Variants in TIAM2 observed in about 807,000 individuals in gnomAD.
TIAM2 encodes rho guanine nucleotide exchange factor TIAM2.
Under a neutral mutation model 152.9 loss-of-function variants are expected in TIAM2, and 80 were observed. The observed-to-expected ratio is 0.52, with a 90% confidence interval of 0.44 to 0.63. The LOEUF (loss-of-function observed/expected upper bound fraction) is 0.63. Among genes scored for constraint, TIAM2 ranks in the 30% least tolerant of loss-of-function variants. TIAM2 has a pLI of 0.00. For missense variants in TIAM2, 1,965 were observed against 2,120.1 expected (o/e 0.93, Z 1.44); for synonymous variants, 804 against 838.0 (o/e 0.96, Z 0.70).
chr6:155,173,793 G>A (rs763460171), intron 9 of TIAM2, among the ~76,000 whole-genome samples: 1 of 152,238 alleles, frequency 6.6e-6, no homozygotes, highest in Non-Finnish European at 1.5e-5. Context: ...GCCAAATGCT[G>A]TACCAGGGAC....
At chr6:155,137,665 G>A (rs999612570) in intron 5 of TIAM2, 53 bp downstream of exon 5, 3 of 1,503,828 alleles carry the variant, frequency 2.0e-6, no homozygotes, top group Admixed American at 4.4e-5. Context: ...CGCCAGCCGT[G>A]CTCTTTGCCA....
chr6:155,110,433 A>G (rs1778814261), intron 2 of TIAM2, among the ~76,000 whole-genome samples: 1 of 151,492 alleles, frequency 6.6e-6, no homozygotes, highest in Non-Finnish European at 1.5e-5. Context: ...AGTAGAGAAA[A>G]GGGCTTTTGC....
chr6:155,096,262 T>C (rs1350317294), intron 2 of TIAM2, among the ~76,000 whole-genome samples: 1 of 152,200 alleles, frequency 6.6e-6, no homozygotes. Context: ...GGGGTATGAA[T>C]GGTAATTCAG....
chr6:155,075,332 T>G (rs1276069483), intron 1 of TIAM2, among the ~76,000 whole-genome samples: 1 of 151,716 alleles, frequency 6.6e-6, no homozygotes, highest in East Asian at 1.9e-4. Context: ...TGGCCTTTTG[T>G]GTCGTTACTT....
At chr6:155,017,455 T>A (rs114947799) in intron 1 of TIAM2, among the ~76,000 whole-genome samples, 2,386 of 151,090 alleles carry the variant, frequency 0.016, 75 homozygotes, top group African/African-American at 0.056. Flanking sequence ...TTGATATAAG[T>A]CCTTGCTTCC....
At position 155,102,388 on chromosome 6, in the gene TIAM2, A is replaced by C. The variant is rs140236253; in HGVS notation, c.-118+12009A>C. The stretch of plus-strand genomic sequence containing the variant: ...TTTGTGATAGGCATTATGATTGTCA[A>C]CCCCACTTTATGATGAAGGATATGG... On this transcript the variant is annotated intron_variant, in intron 2 of 26. Transcript: ENST00000682666. 3.4e-3 allele frequency among the ~76,000 whole-genome samples: 522 copies of C among 152,252 alleles called. 4 individuals carry two copies. Among genetic ancestry groups the C allele is most frequent in the African/African-American group, 0.012 (496 of 41,540 alleles).
Position 155,165,297 on chromosome 6 carries a change from G to C in TIAM2, c.2249G>C (p.Arg750Thr), listed in dbSNP as rs1280810356. The C allele has an allele frequency of 2.5e-6, 4 of 1,613,874 alleles. No homozygotes were observed. Among genetic ancestry groups the C allele is most frequent in the South Asian group, 1.1e-5 (1 of 91,060 alleles). ...CSRDDSALRK[R>T]TLSLTQRGRN... ...AGAGATGACTCTGCTCTCCGGAAAA[G>C]GACACTGTCACTGACCCAGCGAGGG... The change falls in exon 9 of 27, where the codon AGG becomes ACG. Residue 750 changes from arginine (R) to threonine (T), a missense_variant. Transcript: ENST00000682666.
rs759290077 is a variant in TIAM2, at chr6:155,174,954, C to T, written c.2362-1862C>T. On this transcript the variant is annotated intron_variant, in intron 9 of 26. Transcript: ENST00000682666. This position sits in a 1 kb window ranked among gnomAD's most constrained non-coding sequence, Gnocchi z 4.2. ...CCTGGTTTCAGAGGTGGGGCCTGCA[C>T]CTTTAAGGCAGCATCTGTTTGTTGC... Among the ~76,000 whole-genome samples the T allele has an allele frequency of 1.3e-5, 2 of 152,142 alleles. No individual in the cohort carries two copies. Among genetic ancestry groups the T allele is most frequent in the Non-Finnish European group, 2.9e-5 (2 of 68,032 alleles).
Position 155,182,313 on chromosome 6 carries a change from G to A in TIAM2, c.2795G>A (p.Gly932Glu), listed in dbSNP as rs765935480. Residue 932 changes from glycine to glutamate, a missense_variant, in exon 13 of 27, where the codon GGG (glycine) becomes GAG (glutamate). This residue lies in a region of TIAM2 where 935 missense variants were observed against 980.0 expected (regional missense o/e 0.95). Transcript: ENST00000682666. The stretch of plus-strand genomic sequence containing the variant: ...GTTCTTCCCGATGGCCTGGCGTATG[G>A]GGAAGGTCCGTGTGGCACACCGTGC... ...SDVLPDGLAY[G>E]EGLRKGNEIM... 3.7e-6 allele frequency: 6 copies of A among 1,613,912 alleles called. No individual in the cohort carries two copies. The highest frequency in any genetic ancestry group is 3.3e-4 in the Middle Eastern group (2 of 6,050).
chr6:155,055,722 G>T (rs1183145053), intron 1 of TIAM2, among the ~76,000 whole-genome samples: 1 of 152,186 alleles, frequency 6.6e-6, no homozygotes, highest in Non-Finnish European at 1.5e-5. Flanking sequence ...AGTGCTTTGG[G>T]AGGCCAAGGT....
At chr6:155,082,292 A>G (rs1379574058) in intron 1 of TIAM2, among the ~76,000 whole-genome samples, 1 of 152,154 alleles carries the variant, frequency 6.6e-6, no homozygotes, top group Non-Finnish European at 1.5e-5. Flanking sequence ...GCAGCAAGCC[A>G]TGATCATGCC....
chr6:155,165,876 G>T (rs1166892618), intron 9 of TIAM2, among the ~76,000 whole-genome samples: 3 of 151,948 alleles, frequency 2.0e-5, no homozygotes. Context: ...TGCACAAGTT[G>T]CCGTATCTAT....
chr6:155,249,938 T>C lies in TIAM2; in HGVS notation c.3920T>C (p.Leu1307Pro). ...GATTATGGGACCGTGTTTGACCAGC[T>C]AGTAGCTGAGCAGAGCGGAACAGAG... is the stretch of plus-strand genomic sequence containing the variant. ...YEDYGTVFDQ[L>P]VAEQSGTEKE... Residue 1307 changes from leucine (L) to proline (P), a missense_variant, in exon 21 of 27, where the codon CTA becomes CCA. Coordinates refer to ENST00000682666, the MANE Select transcript of TIAM2 (RefSeq NM_012454.4). The C allele has an allele frequency of 6.2e-7, 1 of 1,614,080 alleles. No homozygotes were observed. Among genetic ancestry groups the C allele is most frequent in the Non-Finnish European group, 8.5e-7 (1 of 1,179,970 alleles).
chr6:155,237,733 G>T (rs1782840306), intron 15 of TIAM2, among the ~76,000 whole-genome samples: 1 of 152,184 alleles, frequency 6.6e-6, no homozygotes, highest in African/African-American at 2.4e-5. Context: ...GCTCTGTGTT[G>T]GCTCCTTTCA....
chr6:155,017,865 T>G (rs1366910152), intron 1 of TIAM2, among the ~76,000 whole-genome samples: 3 of 152,060 alleles, frequency 2.0e-5, no homozygotes, highest in Non-Finnish European at 4.4e-5. Context: ...TGTTTACCCC[T>G]CTGAAAGACC....
Position 155,033,918 on chromosome 6 carries a change from T to A in TIAM2, c.-209+38426T>A, listed in dbSNP as rs532702413. On this transcript the variant is annotated intron_variant, in intron 1 of 26. Coordinates refer to ENST00000682666, the MANE Select transcript of TIAM2 (RefSeq NM_012454.4). Reference sequence around the variant, plus strand: ...TTTTAGTAGAGACGGGGTTTCACTGTGTTAGCCAGGCTGGTCTCGAACTCC... The same window carrying A: ...TTTTAGTAGAGACGGGGTTTCACTGAGTTAGCCAGGCTGGTCTCGAACTCC... Among the ~76,000 whole-genome samples, 28 of 152,268 alleles carry A rather than the reference T, an allele frequency of 1.8e-4. No homozygotes were observed. In the South Asian group the frequency reaches 3.9e-3, roughly 21 times the overall value.
rs764811312 is a variant in TIAM2, at chr6:155,183,274, G to A, written c.2838G>A (p.Gly946=). The A allele has an allele frequency of 1.9e-6, 3 of 1,614,142 alleles. No individual in the cohort carries two copies. The highest frequency in any genetic ancestry group is 2.5e-6 in the Non-Finnish European group (3 of 1,180,024). Residue 946 remains glycine, a synonymous_variant, in exon 14 of 27, where the codon GGG becomes GGA. Coordinates refer to ENST00000682666, the MANE Select transcript of TIAM2 (RefSeq NM_012454.4). ...GCAATGAGATCATGACCTTAAATGG[G>A]GAAGCTGTGTCTGATCTTGACCTTA... is the stretch of plus-strand genomic sequence containing the variant. ...RKGNEIMTLN[G]EAVSDLDLKQ... is the part of the protein sequence containing the mutation.
chr6:155,139,996 G>A (rs905324660), intron 5 of TIAM2, among the ~76,000 whole-genome samples: 2 of 152,146 alleles, frequency 1.3e-5, no homozygotes, highest in African/African-American at 4.8e-5. Context: ...AAAAGATGTC[G>A]GGATTTAATT....
chr6:155,215,332 C>T (rs554697471), intron 15 of TIAM2, among the ~76,000 whole-genome samples: 89 of 152,094 alleles, frequency 5.9e-4, no homozygotes, highest in Non-Finnish European at 1.1e-3. Context: ...GAAATTGGGG[C>T]CGTCTGAGCT....
Sources: gnomAD v4.1 joint callset for allele counts (sites outside exome capture counted in the v4.1 genomes callset) on GRCh38, gnomAD v4.1.1 for gene constraint, gnomAD v4.1.1 regional missense constraint, Gnocchi (gnomAD v3.1) non-coding constraint, MANE v1.5 for transcripts, NCBI Gene and HGNC (gene_info 2026-07-23, HGNC 2026-07-21) for gene names.